The following NDUFA13 variants were observed in gnomAD, a reference collection of about 807,000 sequenced individuals.
NDUFA13 encodes the protein NADH dehydrogenase [ubiquinone] 1 alpha subcomplex subunit 13.
Under a neutral mutation model 17.0 loss-of-function variants are expected in NDUFA13, and 16 were observed. That is an observed-to-expected ratio of 0.94 (90% CI 0.64 to 1.43). The LOEUF (loss-of-function observed/expected upper bound fraction) is 1.43. NDUFA13 is among the 40% of genes most tolerant of loss of function. NDUFA13 has a pLI of 0.00. For missense variants in NDUFA13, 228 were observed against 206.7 expected, an observed-to-expected ratio of 1.10 and a Z score of -0.63; for synonymous variants, 87 against 78.4, an observed-to-expected ratio of 1.11 and a Z score of -0.58.
intron 1 of NDUFA13, among the ~76,000 whole-genome samples, chr19:19,517,547 TA>T (rs2061055717): frequency 6.6e-6 from 1 of 152,146 alleles, no homozygotes; most frequent in Non-Finnish European, 1.5e-5. Context: ...ACTTTACATT[TA>T]AATTACATGT....
chr19:19,516,264 A>T lies in NDUFA13; in HGVS notation c.26A>T (p.Asp9Val), dbSNP rs776290429. The T allele has an allele frequency of 1.2e-5, 20 of 1,613,996 alleles. No homozygotes were observed. The highest frequency in any genetic ancestry group is 1.7e-5 in the Admixed American group (1 of 60,026). MAASKVKQ[D>V]MPPPGGYGPI... ...ATGGCGGCGTCAAAGGTGAAGCAGG[A>T]CATGCCTCCGCCGGGGGGCTATGGG... Residue 9 changes from aspartate (D) to valine (V), a missense_variant, in exon 1 of 5, where the codon GAC (aspartate) becomes GTC (valine). Transcript: ENST00000507754.
At chr19:19,521,135 A>AT (rs2061075261) in intron 1 of NDUFA13, among the ~76,000 whole-genome samples, 1 of 152,182 alleles carries the variant, frequency 6.6e-6, no homozygotes, top group Admixed American at 6.5e-5. Context: ...TGGCTGCACC[A>AT]TTTTGTGCTT....
intron 1 of NDUFA13, chr19:19,525,963 C>G (rs560033320): frequency 9.9e-5 from 138 of 1,395,972 alleles, no homozygotes; most frequent in African/African-American, 1.3e-4. Context: ...TGGGGCCCCC[C>G]TAGCAACCAC....
At chr19:19,527,156 CTGCCTGCCT>C in intron 2 of NDUFA13, 116 bp from the exon 3 acceptor site, 10 of 973,852 alleles carry the variant, frequency 1.0e-5, no homozygotes, top group East Asian at 2.8e-5. Flanking sequence ...GCCCTGCCCC[CTGCCTGCCT>C]CCCCGCCCCC....
At chr19:19,521,264 A>G (rs959803229) in intron 1 of NDUFA13, among the ~76,000 whole-genome samples, 1 of 142,038 alleles carries the variant, frequency 7.0e-6, no homozygotes, top group Non-Finnish European at 1.5e-5. Flanking sequence ...ATTATGGTGG[A>G]GTTTTTTAAA....
chr19:19,518,988 C>T (rs1284623822), intron 1 of NDUFA13, among the ~76,000 whole-genome samples: 2 of 151,424 alleles, frequency 1.3e-5, no homozygotes, highest in East Asian at 3.9e-4. Context: ...AGATGATCTG[C>T]CCGCCTTGGT....
At chr19:19,522,988 C>G (rs1221765586) in intron 1 of NDUFA13, among the ~76,000 whole-genome samples, 3 of 152,026 alleles carry the variant, frequency 2.0e-5, no homozygotes, top group Admixed American at 1.3e-4. Context: ...TGATGAACAT[C>G]TCTGTCCTAT....
intron 1 of NDUFA13, among the ~76,000 whole-genome samples, chr19:19,519,432 C>G (rs1247579412): frequency 6.6e-6 from 1 of 152,174 alleles, no homozygotes; most frequent in Non-Finnish European, 1.5e-5. Context: ...GCCCTAAATA[C>G]CACTGCCTGG....
At chr19:19,519,774 C>T (rs1162352330) in intron 1 of NDUFA13, among the ~76,000 whole-genome samples, 1 of 152,134 alleles carries the variant, frequency 6.6e-6, no homozygotes, top group African/African-American at 2.4e-5. Context: ...TGCCTCCTCT[C>T]CCTCTGTCCT....
intron 3 of NDUFA13, 56 bp from the exon 4 acceptor site, chr19:19,527,645 C>A (rs1808849180): frequency 7.0e-7 from 1 of 1,424,510 alleles, no homozygotes; most frequent in Non-Finnish European, 9.7e-7. Context: ...GGGCCCTAGG[C>A]AGGGGCCCCT....
At chr19:19,526,300 G>T (rs780436000) in intron 2 of NDUFA13, 40 bp downstream of exon 2, 1 of 1,607,898 alleles carries the variant, frequency 6.2e-7, no homozygotes, top group Non-Finnish European at 8.5e-7. Flanking sequence ...GTGCCCCCCC[G>T]GCGAGTTGTC....
chr19:19,521,410 G>A (rs1040888976), intron 1 of NDUFA13, among the ~76,000 whole-genome samples: 5 of 152,184 alleles, frequency 3.3e-5, no homozygotes, highest in Admixed American at 6.5e-5. Flanking sequence ...TCAAGAGATG[G>A]GGCCTCAGTG....
chr19:19,522,091 G>C (rs991250879), intron 1 of NDUFA13, among the ~76,000 whole-genome samples: 1 of 151,972 alleles, frequency 6.6e-6, no homozygotes, highest in Non-Finnish European at 1.5e-5. Context: ...GATCACTTGA[G>C]GTCAGGAGTT....
chr19:19,516,599 T>C (rs1056478229), intron 1 of NDUFA13, among the ~76,000 whole-genome samples: 4 of 152,224 alleles, frequency 2.6e-5, no homozygotes, highest in African/African-American at 9.6e-5. Context: ...TAGCCTGTGC[T>C]CTGGCCCTCA....
chr19:19,516,303 A>G lies in NDUFA13; in HGVS notation c.65A>G (p.Lys22Arg), dbSNP rs775019067. Residue 22 changes from lysine (K) to arginine (R), a missense_variant, in exon 1 of 5, where the codon AAA becomes AGA. Transcript: ENST00000507754. ...GGGGGCTATGGGCCCATCGACTACA[A>G]ACGGAACTTGCCGCGTCGAGGACTG... ...PPGGYGPIDY[K>R]RNLPRRGLSG... The G allele has an allele frequency of 4.3e-6, 7 of 1,613,594 alleles. No homozygotes were observed. Among genetic ancestry groups the G allele is most frequent in the Non-Finnish European group, 5.9e-6 (7 of 1,180,006 alleles).
chr19:19,517,328 T>G (rs2061054408), intron 1 of NDUFA13, among the ~76,000 whole-genome samples: 1 of 151,742 alleles, frequency 6.6e-6, no homozygotes, highest in African/African-American at 2.4e-5. Context: ...GCTCAAGCCA[T>G]CCTCCCACCC....
chr19:19,520,675 T>C (rs576013856), intron 1 of NDUFA13, among the ~76,000 whole-genome samples: 17 of 152,314 alleles, frequency 1.1e-4, no homozygotes, highest in African/African-American at 3.8e-4. Flanking sequence ...ATTTATTGAT[T>C]TTTTAGTATA....
chr19:19,524,584 G>T (rs1207287119), intron 1 of NDUFA13, among the ~76,000 whole-genome samples: 1 of 152,098 alleles, frequency 6.6e-6, no homozygotes, highest in Non-Finnish European at 1.5e-5. Flanking sequence ...CTTGCAGGTG[G>T]ATCATGAGGT....
intron 1 of NDUFA13, among the ~76,000 whole-genome samples, chr19:19,522,476 C>CATTTTTTTTTT: frequency 1.1e-5 from 1 of 91,602 alleles, no homozygotes; most frequent in African/African-American, 5.6e-5. Context: ...GGTCTTTGAT[C>CATTTTTTTTTT]CTTTTTTTTT....
Sources: gnomAD v4.1 joint callset for allele counts (sites outside exome capture counted in the v4.1 genomes callset) on GRCh38, gnomAD v4.1.1 for gene constraint, MANE v1.5 for transcripts, NCBI Gene and HGNC (gene_info 2026-07-23, HGNC 2026-07-21) for gene names.